SLC38A1: variants seen among roughly 807,000 people sequenced by gnomAD.
SLC38A1 encodes the protein solute carrier family 38 member 1.
A neutral mutation model predicts 60.3 loss-of-function variants in SLC38A1; 18 were observed. The ratio of observed to expected loss-of-function variants is 0.30; its 90% confidence interval spans 0.21 to 0.44. The LOEUF is 0.44. Among genes scored for constraint, SLC38A1 ranks in the 20% least tolerant of loss-of-function variants. The pLI is 1.00. For synonymous variants in SLC38A1, 196 were observed against 212.1 expected (o/e 0.92, Z 0.66); for missense variants, 448 against 587.2 (o/e 0.76, Z 2.45).
chr12:46,250,409 T>A (rs1941794693), intron 1 of SLC38A1, among the ~76,000 whole-genome samples: 1 of 152,124 alleles, frequency 6.6e-6, no homozygotes, highest in Non-Finnish European at 1.5e-5. Context: ...CTGGAAGCAT[T>A]CCCTTTGAAA....
rs755536526 is a variant in SLC38A1, at chr12:46,207,140, T to A, written c.563+15A>T. On this transcript the variant is annotated intron_variant, in intron 8 of 16. Coordinates refer to ENST00000398637, the MANE Select transcript of SLC38A1 (RefSeq NM_030674.4). ...ACATTTTAGTTATATCATAAAAAAA[T>A]GGTCTATAACTTACGAAAATGTCTC... 27 of 1,533,802 alleles carry A rather than the reference T, an allele frequency of 1.8e-5. No individual in the cohort carries two copies. Among genetic ancestry groups the A allele is most frequent in the Non-Finnish European group, 2.1e-5 (24 of 1,126,498 alleles).
intron 1 of SLC38A1, among the ~76,000 whole-genome samples, chr12:46,249,732 A>G (rs1394196991): frequency 1.3e-5 from 2 of 152,234 alleles, no homozygotes; most frequent in Admixed American, 6.5e-5. Context: ...AACCAGAAAA[A>G]TCTAGGAAAA....
In SLC38A1 at chr12:46,189,165, T is replaced by C. The variant is rs1028326316; in HGVS notation, c.1363-94A>G. ...AAAATAGAACAGTTTTTCCTCTCCCTTTGTGTCCTCTGGTATTCAGAGTTT... is the reference window on the plus strand; with the variant it reads ...AAAATAGAACAGTTTTTCCTCTCCCCTTGTGTCCTCTGGTATTCAGAGTTT... On this transcript the variant is annotated intron_variant, in intron 16 of 16. Transcript: ENST00000398637. 99 of 831,806 alleles carry C rather than the reference T, an allele frequency of 1.2e-4. No individual in the cohort carries two copies. The South Asian group carries it at 1.3e-3, about 11-fold the overall frequency. 51.5% of individuals were successfully genotyped at this position (831,806 alleles called of 1,614,324 possible).
chr12:46,258,368 T>G (rs1187677585), intron 1 of SLC38A1, among the ~76,000 whole-genome samples: 2 of 152,196 alleles, frequency 1.3e-5, no homozygotes, highest in Non-Finnish European at 2.9e-5. Context: ...AGATTTTTGA[T>G]TTTTTGGATT....
chr12:46,209,160 T>A (rs200559291), intron 5 of SLC38A1, 33 bp from the exon 6 acceptor site: 4 of 1,400,384 alleles, frequency 2.9e-6, no homozygotes, highest in Non-Finnish European at 4.0e-6. Flanking sequence ...TATTGTAATA[T>A]CTAGAAAAGA....
At chr12:46,194,075 T>C (rs1393328030) in intron 16 of SLC38A1, among the ~76,000 whole-genome samples, 1 of 152,208 alleles carries the variant, frequency 6.6e-6, no homozygotes, top group Non-Finnish European at 1.5e-5. Context: ...CTGGTACTGG[T>C]TGGTCCTTTC....
intron 5 of SLC38A1, among the ~76,000 whole-genome samples, chr12:46,210,930 T>C (rs543756294): frequency 2.0e-5 from 3 of 152,264 alleles, no homozygotes; most frequent in Admixed American, 2.0e-4. Flanking sequence ...CTCTTATCTC[T>C]TCAGGTTGAG....
chr12:46,219,005 C>T (rs926111472), intron 5 of SLC38A1, among the ~76,000 whole-genome samples: 1 of 152,134 alleles, frequency 6.6e-6, no homozygotes, highest in African/African-American at 2.4e-5. Flanking sequence ...CCCCGAGGAG[C>T]AATTTGGGGA....
chr12:46,240,505 G>A (rs1941410853), intron 2 of SLC38A1, among the ~76,000 whole-genome samples: 1 of 152,132 alleles, frequency 6.6e-6, no homozygotes. Flanking sequence ...CTGAAGCAGT[G>A]CTTTTAAAAT....
chr12:46,187,551 A>C lies in SLC38A1; in HGVS notation c.*1419T>G, dbSNP rs1198187023. The C allele has an allele frequency of 6.6e-6, 1 of 152,202 alleles. No homozygotes were observed. Among genetic ancestry groups the C allele is most frequent in the Admixed American group, 6.5e-5 (1 of 15,268 alleles). The allele number at this position is 152,202 out of a possible 1,614,324, so 9.4% of individuals were successfully genotyped here. A position where few individuals can be genotyped will look rare whatever the true frequency, so the allele number is the denominator to read the frequency against. On this transcript the variant is annotated 3_prime_UTR_variant, in exon 17 of 17. Transcript: ENST00000398637. ...TCAGCTACAAACTCTCTTCTTTTTC[A>C]GTCTCTTCAGTTTCCTTGTGCTCCC...
chr12:46,218,501 TTTAAGA>T (rs1940513949), intron 5 of SLC38A1, among the ~76,000 whole-genome samples: 1 of 152,082 alleles, frequency 6.6e-6, no homozygotes. Flanking sequence ...AAATAGGCGG[TTTAAGA>T]GGAGCACCCA....
intron 5 of SLC38A1, among the ~76,000 whole-genome samples, chr12:46,213,800 T>A (rs1940285586): frequency 6.6e-6 from 1 of 152,248 alleles, no homozygotes; most frequent in African/African-American, 2.4e-5. Flanking sequence ...TGTGTCTCCA[T>A]CACTAGACTG....
At chr12:46,257,134 A>G (rs1054166947) in intron 1 of SLC38A1, among the ~76,000 whole-genome samples, 1 of 152,174 alleles carries the variant, frequency 6.6e-6, no homozygotes, top group Non-Finnish European at 1.5e-5. Context: ...CAGTCCCATC[A>G]GCTCTCAAGT....
At chr12:46,256,632 C>CAGAGAGAGAG (rs1305015526) in intron 1 of SLC38A1, among the ~76,000 whole-genome samples, 9 of 71,410 alleles carry the variant, frequency 1.3e-4, no homozygotes, top group African/African-American at 2.3e-4. Context: ...CACACACACA[C>CAGAGAGAGAG]ACACAGAGAG....
At chr12:46,213,673 C>T (rs1385859081) in intron 5 of SLC38A1, among the ~76,000 whole-genome samples, 1 of 152,210 alleles carries the variant, frequency 6.6e-6, no homozygotes, top group Non-Finnish European at 1.5e-5. Flanking sequence ...TTGTTCCCAT[C>T]TCCACTCTAG....
At position 46,268,983 on chromosome 12, in the gene SLC38A1, T is replaced by C; in HGVS notation, c.-666A>G. The stretch of plus-strand genomic sequence containing the variant: ...AACGCGGACAGGCCATTCCTCCCCG[T>C]CCCGCGCGCGGTCTCCTCCCCTCCT... On this transcript the variant is annotated 5_prime_UTR_variant, in exon 1 of 17. Transcript: ENST00000398637. This position sits in a 1 kb window ranked among gnomAD's most constrained non-coding sequence, Gnocchi z 4.4. 2 of 398,196 alleles carry C rather than the reference T, an allele frequency of 5.0e-6. No homozygotes were observed. The highest frequency in any genetic ancestry group is 3.5e-5 in the South Asian group (2 of 56,914). 24.7% of individuals were successfully genotyped at this position (398,196 alleles called of 1,614,324 possible).
Position 46,229,254 on chromosome 12 carries a change from GGTT to G in SLC38A1, c.210_212del (p.Thr71del). ...GGTTAAAAACAGACATGCCTAAGGA[GGTT>G]GTACCTGGAATCTGAACAAAGAAAC... is the stretch of plus-strand genomic sequence containing the variant. On this transcript the variant is annotated inframe_deletion, in exon 5 of 17. Coordinates refer to ENST00000398637, the MANE Select transcript of SLC38A1 (RefSeq NM_030674.4). 6.2e-7 allele frequency: 1 copy of G among 1,609,668 alleles called. No individual in the cohort carries two copies.
rs557328804 is a variant in SLC38A1, at chr12:46,259,290, T to C, written c.-209+9236A>G. On this transcript the variant is annotated intron_variant, in intron 1 of 16. Transcript: ENST00000398637. ...GGGGTTCTTGGATCCTCAGGGTTCA[T>C]AGATGATAGTGATAAGGATCTAAGA... Among the ~76,000 whole-genome samples, 257 of 152,314 alleles carry C rather than the reference T, an allele frequency of 1.7e-3. 2 individuals carry two copies. The highest frequency in any genetic ancestry group is 6.1e-3 in the African/African-American group (252 of 41,554).
Position 46,185,259 on chromosome 12 carries a change from A to G in SLC38A1, c.*3711T>C, listed in dbSNP as rs1938895427. ...CCGATGATGCTGATGCTACTGGTCT[A>G]GGGGCCACACTTTGAGAACCACTGG... On this transcript the variant is annotated 3_prime_UTR_variant, in exon 17 of 17. Coordinates refer to ENST00000398637, the MANE Select transcript of SLC38A1 (RefSeq NM_030674.4). The G allele has an allele frequency of 6.6e-6, 1 of 152,136 alleles. No homozygotes were observed. The highest frequency in any genetic ancestry group is 1.5e-5 in the Non-Finnish European group (1 of 68,072). The allele number at this position is 152,136 out of a possible 1,614,324, so 9.4% of individuals were successfully genotyped here.
Sources: gnomAD v4.1 joint callset for allele counts (sites outside exome capture counted in the v4.1 genomes callset) on GRCh38, gnomAD v4.1.1 for gene constraint, Gnocchi (gnomAD v3.1) non-coding constraint, MANE v1.5 for transcripts, NCBI Gene and HGNC (gene_info 2026-07-23, HGNC 2026-07-21) for gene names.